The following GUCY1A2 variants were observed in gnomAD, a reference collection of about 807,000 sequenced individuals.
The protein encoded by GUCY1A2 is guanylate cyclase 1 soluble subunit alpha 2.
In GUCY1A2, 27 loss-of-function variants were observed where a neutral mutation model predicts 63.5. The ratio of observed to expected loss-of-function variants is 0.43; its 90% CI spans 0.31 to 0.59. The LOEUF is 0.59. GUCY1A2 is among the 20% of genes least tolerant of loss of function. The pLI is 0.11. For synonymous variants in GUCY1A2, 364 were observed against 343.5 expected (o/e 1.06, Z -0.66); for missense variants, 768 against 913.3 (o/e 0.84, Z 2.05).
intron 3 of GUCY1A2, among the ~76,000 whole-genome samples, chr11:106,949,205 T>C (rs576879962): frequency 1.8e-4 from 26 of 146,774 alleles, no homozygotes; most frequent in African/African-American, 5.6e-4. Flanking sequence ...TCTAGAATTA[T>C]ACATCTCATC....
chr11:106,925,165 G>C (rs992596212), intron 4 of GUCY1A2, among the ~76,000 whole-genome samples: 21 of 152,036 alleles, frequency 1.4e-4, no homozygotes, highest in African/African-American at 4.8e-4. Flanking sequence ...AAAAGAGAGA[G>C]AGAGAGACAG....
At chr11:106,691,274 A>C (rs1163970256) in intron 7 of GUCY1A2, among the ~76,000 whole-genome samples, 1 of 152,228 alleles carries the variant, frequency 6.6e-6, no homozygotes, top group African/African-American at 2.4e-5. Context: ...CAATACAATG[A>C]TACAACATCT....
In GUCY1A2 at chr11:106,679,645, A is replaced by C. The variant is rs980711236; in HGVS notation, c.*7904T>G. On this transcript the variant is annotated 3_prime_UTR_variant, in exon 8 of 8. Transcript: ENST00000526355. ...GAATGCTAGCTCAGCCAGGCATGTT[A>C]TAAAAGGAAAAAATATAGTTTGTTT... The C allele has an allele frequency of 4.7e-6, 1 of 213,220 alleles. No individual in the cohort carries two copies. Among genetic ancestry groups the C allele is most frequent in the African/African-American group, 2.3e-5 (1 of 44,200 alleles). 13.2% of individuals were successfully genotyped at this position (213,220 alleles called of 1,614,324 possible). A position where few individuals can be genotyped will look rare whatever the true frequency, so the allele number is the denominator to read the frequency against.
At chr11:106,756,151 C>T (rs1188494132) in intron 6 of GUCY1A2, among the ~76,000 whole-genome samples, 2 of 152,174 alleles carry the variant, frequency 1.3e-5, no homozygotes, top group African/African-American at 2.4e-5. Context: ...TCTGTTTTAT[C>T]AGAGACTAGG....
At chr11:106,748,508 G>A (rs1305102392) in intron 6 of GUCY1A2, among the ~76,000 whole-genome samples, 1 of 152,154 alleles carries the variant, frequency 6.6e-6, no homozygotes, top group African/African-American at 2.4e-5. Flanking sequence ...CAGCCCTTCT[G>A]TGTTCCCTCC....
intron 5 of GUCY1A2, among the ~76,000 whole-genome samples, chr11:106,784,909 T>C (rs1478212780): frequency 6.6e-6 from 1 of 152,134 alleles, no homozygotes; most frequent in African/African-American, 2.4e-5. Context: ...TCATAATACC[T>C]CTAACTTTCT....
At chr11:106,946,464 T>C (rs1386155125) in intron 3 of GUCY1A2, among the ~76,000 whole-genome samples, 1 of 151,952 alleles carries the variant, frequency 6.6e-6, no homozygotes, top group Non-Finnish European at 1.5e-5. Flanking sequence ...GAGAAAACTC[T>C]CACAAGAATT....
intron 1 of GUCY1A2, among the ~76,000 whole-genome samples, chr11:106,987,618 A>G (rs1861418739): frequency 6.8e-6 from 1 of 146,784 alleles, no homozygotes; most frequent in Non-Finnish European, 1.5e-5. Flanking sequence ...CCCCCACTGC[A>G]CTCCATTCTG....
At chr11:106,867,036 A>C (rs112249531) in intron 4 of GUCY1A2, among the ~76,000 whole-genome samples, 179 of 152,168 alleles carry the variant, frequency 1.2e-3, no homozygotes, top group African/African-American at 4.1e-3. Context: ...TATGCATTTC[A>C]ACAAATAATA....
chr11:106,915,467 A>T (rs1371047674), intron 4 of GUCY1A2, among the ~76,000 whole-genome samples: 1 of 152,138 alleles, frequency 6.6e-6, no homozygotes, highest in Non-Finnish European at 1.5e-5. Context: ...GCAACCACTA[A>T]AAAACGACAA....
At chr11:106,998,724 T>C (rs568519146) in intron 1 of GUCY1A2, among the ~76,000 whole-genome samples, 71 of 152,042 alleles carry the variant, frequency 4.7e-4, no homozygotes, top group African/African-American at 1.6e-3. Flanking sequence ...TTATAAAACA[T>C]AAGGACAACA....
chr11:106,778,586 G>C (rs1002961426), intron 5 of GUCY1A2, among the ~76,000 whole-genome samples: 4 of 152,036 alleles, frequency 2.6e-5, no homozygotes, highest in Non-Finnish European at 2.9e-5. Context: ...GTGTGAACCT[G>C]GGAGGCGGAG....
In GUCY1A2 at chr11:106,978,696, C is replaced by A; in HGVS notation, c.410G>T (p.Cys137Phe). Residue 137 changes from cysteine (C) to phenylalanine (F), a missense_variant, in exon 3 of 8, where the codon TGC becomes TTC. Cys to Phe is a radical substitution (Grantham distance 205). Around this residue, in one of 3 missense-constraint regions of GUCY1A2, gnomAD observed 496 missense variants for 486.9 expected, o/e 1.02. Coordinates refer to ENST00000526355, the MANE Select transcript of GUCY1A2 (RefSeq NM_000855.3). ...TTTGTTGGAGTGGTCTGCATAGGAG[C>A]ATCTGTTAGAGATATTGTGGAAATT... ...EKNFHNISNR[C>F]SYADHSNKEE... 9 of 1,590,012 alleles carry A rather than the reference C, an allele frequency of 5.7e-6. No homozygotes were observed. The highest frequency in any genetic ancestry group is 7.8e-6 in the Non-Finnish European group (9 of 1,159,032).
At chr11:106,882,819 A>AAT (rs1291525496) in intron 4 of GUCY1A2, among the ~76,000 whole-genome samples, 2 of 152,046 alleles carry the variant, frequency 1.3e-5, no homozygotes, top group Non-Finnish European at 2.9e-5. Flanking sequence ...GAAATATAAG[A>AAT]ATATAGTCAA....
intron 6 of GUCY1A2, among the ~76,000 whole-genome samples, chr11:106,775,497 A>C (rs2135401702): frequency 6.7e-6 from 1 of 150,098 alleles, no homozygotes; most frequent in East Asian, 2.0e-4. Context: ...TTCAATCTAC[A>C]CACGTAGTGT....
At chr11:106,899,859 C>G (rs918716193) in intron 4 of GUCY1A2, among the ~76,000 whole-genome samples, 10 of 152,004 alleles carry the variant, frequency 6.6e-5, no homozygotes, top group African/African-American at 2.2e-4. Context: ...CCGAGGAGGG[C>G]AGATCACGAA....
chr11:107,008,398 C>A (rs1050082642), intron 1 of GUCY1A2, among the ~76,000 whole-genome samples: 18 of 151,642 alleles, frequency 1.2e-4, no homozygotes, highest in African/African-American at 4.4e-4. Flanking sequence ...TTTAGAAAAT[C>A]TTAACGCATT....
At position 106,725,330 on chromosome 11, in the gene GUCY1A2, G is replaced by A. The variant is rs1157636788; in HGVS notation, c.1837-16664C>T. 1.3e-4 allele frequency among the ~76,000 whole-genome samples: 9 copies of A among 71,950 alleles called. 2 individuals carry two copies. The South Asian group carries it at 1.5e-3, about 12-fold the overall frequency. The allele number at this position is 71,950 out of a possible 152,430, so 47.2% of individuals were successfully genotyped here. A position where few individuals can be genotyped will look rare whatever the true frequency, so the allele number is the denominator to read the frequency against. On this transcript the variant is annotated intron_variant, in intron 6 of 7. Transcript: ENST00000526355. ...TGGGACTACAGGCGCCCGCCACTAC[G>A]CCCGGCTAATTTTTTGTATTTTTAG...
At chr11:106,820,468 G>A (rs948713039) in intron 4 of GUCY1A2, among the ~76,000 whole-genome samples, 8 of 152,062 alleles carry the variant, frequency 5.3e-5, no homozygotes, top group African/African-American at 1.4e-4. Context: ...GCATGATACC[G>A]GCTCACTGCA....
Sources: gnomAD v4.1 joint callset for allele counts (sites outside exome capture counted in the v4.1 genomes callset) on GRCh38, gnomAD v4.1.1 for gene constraint, gnomAD v4.1.1 regional missense constraint, MANE v1.5 for transcripts, NCBI Gene and HGNC (gene_info 2026-07-23, HGNC 2026-07-21) for gene names.